PAX4: variants seen among roughly 807,000 people sequenced by gnomAD.
PAX4 encodes paired box protein Pax-4.
In PAX4, 33 loss-of-function variants were observed where a neutral mutation model predicts 40.6. The ratio of observed to expected loss-of-function variants is 0.81; its 90% CI spans 0.62 to 1.09. The LOEUF (loss-of-function observed/expected upper bound fraction) is 1.09. Ranked by LOEUF, PAX4 falls within the 50% of genes least tolerant of loss-of-function variation. The pLI, the probability that PAX4 is intolerant of heterozygous loss-of-function variation, is 0.00. For missense variants in PAX4, 459 were observed against 442.5 expected (o/e 1.04, Z -0.33); for synonymous variants, 174 against 170.6 (o/e 1.02, Z -0.16).
intron 10 of PAX4, 102 bp downstream of exon 10, chr7:127,611,843 G>C: frequency 6.3e-7 from 1 of 1,596,668 alleles, no homozygotes; most frequent in East Asian, 2.2e-5. Context: ...TGAACACTGT[G>C]GGGCCCTGGA....
chr7:127,615,922 G>A lies in PAX4; in HGVS notation c.7C>T (p.Gln3Ter). 1 of 1,536,124 alleles carries A rather than the reference G, an allele frequency of 6.5e-7. No homozygotes were observed. Among genetic ancestry groups the A allele is most frequent in the Non-Finnish European group, 8.7e-7 (1 of 1,146,930 alleles). The change falls in exon 3 of 12, where the codon CAG becomes TAG. Residue 3 changes from glutamine to a stop codon, truncating the protein, a stop_gained. Transcript: ENST00000639438. LOFTEE classifies it high-confidence loss of function. MH[Q>*]DGISSMNQLG... is the part of the protein sequence containing the mutation. ...CTTCCCCCAGGCTCCTCACCGTCCT[G>A]ATGCATGCTCCAGGCTGACCCTCCT...
At chr7:127,617,232 A>G (rs1200433736) in intron 2 of PAX4, 43 bp downstream of exon 2, 1 of 152,220 alleles carries the variant, frequency 6.6e-6, no homozygotes, top group East Asian at 1.9e-4. Context: ...TGGAATCCAG[A>G]GTCTACTTAT....
chr7:127,612,708 T>C (rs1794653230), intron 9 of PAX4, among the ~76,000 whole-genome samples: 1 of 148,038 alleles, frequency 6.8e-6, no homozygotes, highest in South Asian at 2.2e-4. Flanking sequence ...GATGGATAGA[T>C]GAATGGATGA....
rs747805740 is a variant in PAX4, at chr7:127,615,052, C to T, written c.188G>A (p.Arg63His). ...GCCCTTTGGCTCCAAGACACCTGTGCGGTAGTAACGCCCTAGGATCTTGCT... is the reference window on the plus strand; with the variant it reads ...GCCCTTTGGCTCCAAGACACCTGTGTGGTAGTAACGCCCTAGGATCTTGCT... The part of the protein sequence containing the change: ...CVSKILGRYY[R>H]TGVLEPKGIG... Residue 63 changes from arginine to histidine, a missense_variant, in exon 5 of 12, where the codon CGC becomes CAC. Arg to His is a conservative substitution (Grantham distance 29). Transcript: ENST00000639438. 1.1e-5 allele frequency: 17 copies of T among 1,614,044 alleles called. No homozygotes were observed. Among genetic ancestry groups the T allele is most frequent in the Admixed American group, 5.0e-5 (3 of 60,010 alleles).
chr7:127,612,225 G>A, intron 9 of PAX4, among the ~76,000 whole-genome samples: 1 of 152,224 alleles, frequency 6.6e-6, no homozygotes, highest in Non-Finnish European at 1.5e-5. Context: ...TGGTACTGGG[G>A]ACAGTGCAGC....
At chr7:127,612,245 C>T (rs531994421) in intron 9 of PAX4, among the ~76,000 whole-genome samples, 8 of 152,272 alleles carry the variant, frequency 5.3e-5, no homozygotes, top group East Asian at 1.9e-4. Flanking sequence ...CCTTAAGATC[C>T]GGGACTGTGT....
In PAX4 at chr7:127,611,955, A is replaced by G. The variant is rs761341133; in HGVS notation, c.761T>C (p.Ile254Thr). ...TCTCCTCCCGAGTACCTGTGCAGAG[A>G]TGATTCCTGGGGCAACCCTTGGTAC... is the stretch of plus-strand genomic sequence containing the variant. The part of the protein sequence containing the change: ...LTVPRVAPGI[I>T]SAQQSPGSVP... The change falls in exon 10 of 12, where the codon ATC (isoleucine) becomes ACC (threonine). Residue 254 changes from isoleucine (I) to threonine (T), a missense_variant. Coordinates refer to ENST00000639438, the MANE Select transcript of PAX4 (RefSeq NM_001366110.1). 1.4e-5 allele frequency: 23 copies of G among 1,614,120 alleles called. No individual in the cohort carries two copies. The Admixed American group carries it at 3.5e-4, about 25-fold the overall frequency.
chr7:127,615,605 G>T, intron 3 of PAX4, 74 bp from the exon 4 acceptor site: 1 of 1,608,410 alleles, frequency 6.2e-7, no homozygotes. Context: ...GGTCACTCAG[G>T]CCCCTCCAGC....
intron 10 of PAX4, 102 bp downstream of exon 10, chr7:127,611,843 G>T: frequency 6.3e-7 from 1 of 1,596,666 alleles, no homozygotes; most frequent in Non-Finnish European, 8.5e-7. Context: ...TGAACACTGT[G>T]GGGCCCTGGA....
At chr7:127,617,602 T>C (rs996873013) in intron 1 of PAX4, among the ~76,000 whole-genome samples, 1 of 152,228 alleles carries the variant, frequency 6.6e-6, no homozygotes, top group Non-Finnish European at 1.5e-5. Context: ...GCTCAAAATA[T>C]CAGCCAAACC....
At position 127,614,582 on chromosome 7, in the gene PAX4, G is replaced by C. The variant is rs374622378; in HGVS notation, c.361-25C>G. Reference sequence around the variant, plus strand: ...CCTGGGAGTGTCAGGGTGTTGAGTGGAGAGATGGTGCTCAGACTCAGGGCT... The same window carrying C: ...CCTGGGAGTGTCAGGGTGTTGAGTGCAGAGATGGTGCTCAGACTCAGGGCT... On this transcript the variant is annotated intron_variant, in intron 5 of 11. Transcript: ENST00000639438. 17 of 1,560,882 alleles carry C rather than the reference G, an allele frequency of 1.1e-5. No homozygotes were observed. In the African/African-American group the frequency reaches 2.2e-4, roughly 20 times the overall value.
At position 127,615,561 on chromosome 7, in the gene PAX4, C is replaced by T. The variant is rs966987508; in HGVS notation, c.14-30G>A. On this transcript the variant is annotated intron_variant, in intron 3 of 11. Coordinates refer to ENST00000639438, the MANE Select transcript of PAX4 (RefSeq NM_001366110.1). ...GCGTGAGACAGAGGTATCCACACAC[C>T]ACCTCTCCCACTGCCCTGCCCGCCT... 9.3e-6 allele frequency: 15 copies of T among 1,612,674 alleles called. 1 individual carries two copies. The African/African-American group carries it at 9.3e-5, about 10-fold the overall frequency.
At chr7:127,617,146 CTT>C (rs1794734307) in intron 2 of PAX4, 127 bp downstream of exon 2, 1 of 152,232 alleles carries the variant, frequency 6.6e-6, no homozygotes, top group Non-Finnish European at 1.5e-5. Context: ...AGGGTAAAGT[CTT>C]TGCTCTCCAA....
chr7:127,613,130 A>T (rs754086585), intron 8 of PAX4, 39 bp from the exon 9 acceptor site: 1 of 1,501,416 alleles, frequency 6.7e-7, no homozygotes, highest in Non-Finnish European at 9.3e-7. Context: ...GCTGTACTTT[A>T]TGCTGCCTGT....
intron 4 of PAX4, 147 bp downstream of exon 4, chr7:127,615,253 CT>C: frequency 6.3e-7 from 1 of 1,594,532 alleles, no homozygotes; most frequent in Non-Finnish European, 8.5e-7. Context: ...TGAGGCTCCC[CT>C]TTTCAACCTC....
intron 6 of PAX4, among the ~76,000 whole-genome samples, chr7:127,614,126 C>T (rs1036494716): frequency 3.9e-5 from 6 of 151,908 alleles, no homozygotes; most frequent in African/African-American, 1.2e-4. Flanking sequence ...AGGCTTGGTC[C>T]AGGGGTGTGT....
At position 127,611,214 on chromosome 7, in the gene PAX4, G is replaced by A. The variant is rs377689842; in HGVS notation, c.914-8C>T. The A allele has an allele frequency of 1.3e-6, 2 of 1,589,222 alleles. No homozygotes were observed. The highest frequency in any genetic ancestry group is 1.7e-6 in the Non-Finnish European group (2 of 1,167,364). On this transcript the variant is annotated splice_polypyrimidine_tract_variant and splice_region_variant and intron_variant, in intron 11 of 11. Coordinates refer to ENST00000639438, the MANE Select transcript of PAX4 (RefSeq NM_001366110.1). Reference sequence around the variant, plus strand: ...GCTGTGGGGGCAAGTGGCCTGTGGGGACAAATAGAGAGAGCTTGGGGTTAT... The same window carrying A: ...GCTGTGGGGGCAAGTGGCCTGTGGGAACAAATAGAGAGAGCTTGGGGTTAT...
intron 3 of PAX4, 149 bp downstream of exon 3, chr7:127,615,767 G>A: frequency 1.3e-6 from 2 of 1,504,394 alleles, no homozygotes; most frequent in South Asian, 2.6e-5. Flanking sequence ...TCTAAGGGAA[G>A]CAGGACAGGG....
In PAX4 at chr7:127,615,502, G is replaced by A. The variant is rs765164506; in HGVS notation, c.43C>T (p.Leu15Phe). The change falls in exon 4 of 12, where the codon CTC becomes TTC. Residue 15 changes from leucine (L) to phenylalanine (F), a missense_variant. Transcript: ENST00000639438. ...GISSMNQLGG[L>F]FVNGRPLPLD... ...GGCAGGGGCCGGCCATTCACAAAGA[G>A]CCCCCCAAGCTGGTTCATGCTGCTG... The A allele has an allele frequency of 6.2e-6, 10 of 1,614,122 alleles. No homozygotes were observed. The highest frequency in any genetic ancestry group is 7.6e-6 in the Non-Finnish European group (9 of 1,180,004).
Sources: gnomAD v4.1 joint callset for allele counts (sites outside exome capture counted in the v4.1 genomes callset) on GRCh38, gnomAD v4.1.1 for gene constraint, MANE v1.5 for transcripts, NCBI Gene and HGNC (gene_info 2026-07-23, HGNC 2026-07-21) for gene names.